GALNT2: variants seen among roughly 807,000 people sequenced by gnomAD.
The protein encoded by GALNT2 is UDP-GalNAc:polypeptide N-acetylgalactosaminyltransferase 2.
Under a neutral mutation model 81.4 loss-of-function variants are expected in GALNT2, and 31 were observed. That is an observed-to-expected ratio of 0.38 (90% CI 0.29 to 0.51). The LOEUF is 0.51. GALNT2 is among the 20% of genes least tolerant of loss of function. The pLI is 0.87. For missense variants in GALNT2, 629 were observed against 765.7 expected (o/e 0.82, Z 2.11); for synonymous variants, 303 against 287.4 (o/e 1.05, Z -0.55).
rs965985216 is a variant in GALNT2, at chr1:230,075,587, A to G, written c.126+8181A>G. Among the ~76,000 whole-genome samples the G allele has an allele frequency of 3.9e-5, 6 of 152,038 alleles. No homozygotes were observed. In the East Asian group the frequency reaches 9.7e-4, roughly 25 times the overall value. On this transcript the variant is annotated intron_variant, in intron 1 of 15. Transcript: ENST00000366672. ...ATTCTTTCAGTGAGTATCTCTTGAGACCCTCCTATGTGCCAGGCACTGCTT... is the reference window on the plus strand; with the variant it reads ...ATTCTTTCAGTGAGTATCTCTTGAGGCCCTCCTATGTGCCAGGCACTGCTT...
chr1:230,236,528 CA>C, intron 5 of GALNT2, 108 bp downstream of exon 5: 1 of 1,421,610 alleles, frequency 7.0e-7, no homozygotes, highest in Non-Finnish European at 9.8e-7. Context: ...ATCAGATCCA[CA>C]GAAAGAAGAG....
rs74143113 is a variant in GALNT2 at position 230,177,830 on chromosome 1, T to C, written c.127-388T>C. On this transcript the variant is annotated intron_variant, in intron 1 of 15. Coordinates refer to ENST00000366672, the MANE Select transcript of GALNT2 (RefSeq NM_004481.5). The stretch of plus-strand genomic sequence containing the variant: ...AAACCACCTAAGATGTCTGGAGAGC[T>C]ACCTTCATTTTAATGGCTTTAATTT... 3.3e-3 allele frequency among the ~76,000 whole-genome samples: 496 copies of C among 152,326 alleles called. 2 individuals are homozygous for C. The highest frequency in any genetic ancestry group is 0.011 in the African/African-American group (478 of 41,566).
At position 230,279,611 on chromosome 1, in the gene GALNT2, C is replaced by T. The variant is rs1666382066; in HGVS notation, c.*153C>T. On this transcript the variant is annotated 3_prime_UTR_variant, in exon 16 of 16. Coordinates refer to ENST00000366672, the MANE Select transcript of GALNT2 (RefSeq NM_004481.5). This position sits in a 1 kb window ranked among gnomAD's most constrained non-coding sequence, Gnocchi z 4.6. Reference sequence around the variant, plus strand: ...AAGTCAAACTTCGGCAAGGCACGGACGACTGTGCAGACACAGCAGCGGCAA... The same window carrying T: ...AAGTCAAACTTCGGCAAGGCACGGATGACTGTGCAGACACAGCAGCGGCAA... 4 of 957,544 alleles carry T rather than the reference C, an allele frequency of 4.2e-6. No individual in the cohort carries two copies. The highest frequency in any genetic ancestry group is 1.7e-5 in the South Asian group (1 of 59,684). 59.3% of individuals were successfully genotyped at this position (957,544 alleles called of 1,614,324 possible). A position where few individuals can be genotyped will look rare whatever the true frequency, so the allele number is the denominator to read the frequency against.
chr1:230,075,178 T>C (rs1340005375), intron 1 of GALNT2, among the ~76,000 whole-genome samples: 2 of 133,796 alleles, frequency 1.5e-5, no homozygotes, highest in African/African-American at 2.7e-5. Context: ...CAGGCTGGAG[T>C]GCAGTGGCAC....
chr1:230,098,945 G>A (rs565550175), intron 1 of GALNT2, among the ~76,000 whole-genome samples: 69 of 152,276 alleles, frequency 4.5e-4, no homozygotes, highest in African/African-American at 1.7e-3. Flanking sequence ...TAGTGGAAGT[G>A]ACATGTAGGT....
At chr1:230,097,813 A>G (rs1343097648) in intron 1 of GALNT2, among the ~76,000 whole-genome samples, 1 of 152,166 alleles carries the variant, frequency 6.6e-6, no homozygotes, top group Non-Finnish European at 1.5e-5. Flanking sequence ...TTATGGTAAC[A>G]CGCACCAAAT....
intron 1 of GALNT2, among the ~76,000 whole-genome samples, chr1:230,143,113 A>G (rs533607375): frequency 2.8e-4 from 43 of 151,958 alleles, no homozygotes; most frequent in Admixed American, 6.5e-4. Flanking sequence ...GGCTTCTGGT[A>G]CTCCTGGAGC....
intron 1 of GALNT2, among the ~76,000 whole-genome samples, chr1:230,117,010 A>G (rs1280231774): frequency 2.6e-5 from 4 of 152,228 alleles, no homozygotes; most frequent in Non-Finnish European, 5.9e-5. Flanking sequence ...TTCTTCCAAT[A>G]GAAGGCTGCT....
At chr1:230,261,353 C>T (rs998896644) in intron 11 of GALNT2, among the ~76,000 whole-genome samples, 1 of 152,160 alleles carries the variant, frequency 6.6e-6, no homozygotes. Context: ...AATGGTATCT[C>T]AGATCAGTTG....
intron 1 of GALNT2, among the ~76,000 whole-genome samples, chr1:230,108,318 C>T (rs1660602436): frequency 6.6e-6 from 1 of 152,238 alleles, no homozygotes; most frequent in Non-Finnish European, 1.5e-5. Flanking sequence ...GTTTCGCTTA[C>T]ACTTTTTCAA....
At chr1:230,164,934 T>C (rs778684415) in intron 1 of GALNT2, among the ~76,000 whole-genome samples, 1 of 152,172 alleles carries the variant, frequency 6.6e-6, no homozygotes, top group Non-Finnish European at 1.5e-5. Flanking sequence ...CACACCTGTT[T>C]CTAGAAACAG....
chr1:230,079,559 T>C (rs1425512596), intron 1 of GALNT2, among the ~76,000 whole-genome samples: 1 of 152,232 alleles, frequency 6.6e-6, no homozygotes, highest in Non-Finnish European at 1.5e-5. Context: ...AAGCTATAGT[T>C]CGTGAAACAT....
chr1:230,098,464 C>T lies in GALNT2; in HGVS notation c.126+31058C>T, dbSNP rs138955871. Among the ~76,000 whole-genome samples, 178 of 151,906 alleles carry T rather than the reference C, an allele frequency of 1.2e-3. 1 individual carries two copies. The highest frequency in any genetic ancestry group is 4.2e-3 in the African/African-American group (174 of 41,416). On this transcript the variant is annotated intron_variant, in intron 1 of 15. Transcript: ENST00000366672. ...CAAACTACCCCAAAGTCCGAGGAAG[C>T]TGAGAGGCTGAAGGAAGAGCCTGAC...
At chr1:230,167,092 C>CTT (rs59484402) in intron 1 of GALNT2, among the ~76,000 whole-genome samples, 78 of 147,246 alleles carry the variant, frequency 5.3e-4, no homozygotes, top group East Asian at 1.2e-3. Context: ...TTCTGAGACT[C>CTT]TTTTTTTTTT....
intron 1 of GALNT2, among the ~76,000 whole-genome samples, chr1:230,167,745 G>A (rs1401699053): frequency 1.3e-5 from 2 of 152,142 alleles, no homozygotes; most frequent in Non-Finnish European, 2.9e-5. Flanking sequence ...AAATGTGCAG[G>A]GCTGCAGCCT....
chr1:230,067,259 C>A lies in GALNT2; in HGVS notation c.-22C>A, dbSNP rs1571920842. ...CAGCACTCGCGAGCAGCGGCGGCCC[C>A]GCCGGCGGCCGAGTTGGGAGAATGC... On this transcript the variant is annotated 5_prime_UTR_variant, in exon 1 of 16. Coordinates refer to ENST00000366672, the MANE Select transcript of GALNT2 (RefSeq NM_004481.5). 3.9e-6 allele frequency: 5 copies of A among 1,286,754 alleles called. No homozygotes were observed. Among genetic ancestry groups the A allele is most frequent in the Non-Finnish European group, 5.0e-6 (5 of 1,009,020 alleles). 79.7% of individuals were successfully genotyped at this position (1,286,754 alleles called of 1,614,324 possible).
At position 230,275,534 on chromosome 1, in the gene GALNT2, TAG is replaced by T. The variant is rs375016025; in HGVS notation, c.1560+972_1560+973del. Among the ~76,000 whole-genome samples, 1,001 of 151,094 alleles carry T rather than the reference TAG, an allele frequency of 6.6e-3. 6 individuals are homozygous for T. The highest frequency in any genetic ancestry group is 0.021 in the African/African-American group (847 of 41,100). On this transcript the variant is annotated intron_variant, in intron 15 of 15. Transcript: ENST00000366672. This position sits in a 1 kb window ranked among gnomAD's most constrained non-coding sequence, Gnocchi z 5.5. Reference sequence around the variant, plus strand: ...TACATACATATATATACATGCCACATAGATATACATATATAAACGCCACATAT... The same window carrying T: ...TACATACATATATATACATGCCACATATATACATATATAAACGCCACATAT...
chr1:230,255,856 G>A (rs1665695440), intron 11 of GALNT2, among the ~76,000 whole-genome samples: 1 of 152,212 alleles, frequency 6.6e-6, no homozygotes, highest in Admixed American at 6.5e-5. Flanking sequence ...GCAATTAAAA[G>A]CAACATTGTC....
At chr1:230,247,675 A>G (rs1196097685) in intron 8 of GALNT2, among the ~76,000 whole-genome samples, 4 of 152,196 alleles carry the variant, frequency 2.6e-5, no homozygotes, top group African/African-American at 9.6e-5. Context: ...TGCGTATGTC[A>G]GAGCAGGGGC....
Sources: allele counts gnomAD v4.1 joint callset (sites outside exome capture counted in the v4.1 genomes callset), GRCh38; gene constraint gnomAD v4.1.1; non-coding constraint Gnocchi (gnomAD v3.1); transcripts MANE v1.5; gene names NCBI Gene and HGNC (gene_info 2026-07-23, HGNC 2026-07-21).